Variants in PELI1 observed in about 807,000 individuals in gnomAD.
PELI1 encodes E3 ubiquitin-protein ligase pellino homolog 1.
PELI1 carries 15 observed loss-of-function variants against 41.3 expected under a neutral mutation model. The observed-to-expected ratio is 0.36, with a 90% CI of 0.24 to 0.56. The LOEUF is 0.56. Among genes scored for constraint, PELI1 ranks in the 20% least tolerant of loss-of-function variants. The probability of loss-of-function intolerance (pLI) is 0.82; values close to 1 mark genes in which losing one functional copy is unlikely to be tolerated. For missense variants in PELI1, 403 were observed against 525.5 expected, an observed-to-expected ratio of 0.77 and a Z score of 2.28; for synonymous variants, 178 against 180.1, an observed-to-expected ratio of 0.99 and a Z score of 0.09.
Position 64,094,815 on chromosome 2 carries a change from T to A in PELI1, c.1144A>T (p.Ile382Phe). Residue 382 changes from isoleucine to phenylalanine, a missense_variant, in exon 7 of 7, where the codon ATC (isoleucine) becomes TTC (phenylalanine). Coordinates refer to ENST00000358912, the MANE Select transcript of PELI1 (RefSeq NM_020651.4). The stretch of plus-strand genomic sequence containing the variant: ...GTATGAGTACCATGAGGAAGTGGGA[T>A]CTGGGACCAATAGGCAGTTGTCTTT... Reference protein sequence around the residue: ...SEKTTAYWSQIPLPHGTHTFH... With the variant: ...SEKTTAYWSQFPLPHGTHTFH... 6.2e-7 allele frequency: 1 copy of A among 1,614,172 alleles called. No individual in the cohort carries two copies. Among genetic ancestry groups the A allele is most frequent in the Non-Finnish European group, 8.5e-7 (1 of 1,180,022 alleles).
intron 2 of PELI1, among the ~76,000 whole-genome samples, chr2:64,105,331 A>G (rs1680583950): frequency 1.3e-5 from 2 of 152,192 alleles, no homozygotes; most frequent in South Asian, 4.1e-4. Context: ...GAATGTACAA[A>G]TGCACTCTCA....
At chr2:64,143,937 C>G (rs542825807) in intron 1 of PELI1, 144 bp downstream of exon 1, 1 of 147,924 alleles carries the variant, frequency 6.8e-6, no homozygotes, top group Non-Finnish European at 1.5e-5. Context: ...CCGCTCCCCG[C>G]CGCAGCGGGG....
intron 3 of PELI1, among the ~76,000 whole-genome samples, chr2:64,103,074 C>T (rs570866595): frequency 8.6e-5 from 13 of 152,016 alleles, no homozygotes; most frequent in Admixed American, 1.3e-4. Flanking sequence ...AACTCCCGAG[C>T]TCAAGTGATC....
intron 3 of PELI1, among the ~76,000 whole-genome samples, chr2:64,102,480 T>C (rs1427424569): frequency 1.3e-5 from 2 of 152,134 alleles, no homozygotes; most frequent in Non-Finnish European, 2.9e-5. Context: ...TCAAGTGATC[T>C]TCCTGCCTCT....
At chr2:64,113,002 G>C (rs1295488461) in intron 1 of PELI1, among the ~76,000 whole-genome samples, 1 of 151,942 alleles carries the variant, frequency 6.6e-6, no homozygotes, top group Non-Finnish European at 1.5e-5. Flanking sequence ...CCTAGGCTGG[G>C]CATGGTGGCT....
rs1680167627 is a variant in PELI1 at position 64,094,695 on chromosome 2, T to C, written c.*7A>G. On this transcript the variant is annotated 3_prime_UTR_variant, in exon 7 of 7. Coordinates refer to ENST00000358912, the MANE Select transcript of PELI1 (RefSeq NM_020651.4). ...TTTATAATGTAGTCCTGCAAGACAA[T>C]GGTCTGTTAGTCTAGAGGTCCTTGA... The C allele has an allele frequency of 6.3e-7, 1 of 1,599,710 alleles. No individual in the cohort carries two copies. The highest frequency in any genetic ancestry group is 1.1e-5 in the South Asian group (1 of 90,690).
intron 1 of PELI1, among the ~76,000 whole-genome samples, chr2:64,121,483 TGA>T (rs544271488): frequency 2.1e-3 from 319 of 152,324 alleles, no homozygotes; most frequent in African/African-American, 7.3e-3. Context: ...AACAGAGCAC[TGA>T]GAGTATAAAA....
Position 64,144,108 on chromosome 2 carries a change from A to C in PELI1, c.-97T>G, listed in dbSNP as rs1682024117. The C allele has an allele frequency of 6.6e-6, 1 of 151,892 alleles. No homozygotes were observed. Among genetic ancestry groups the C allele is most frequent in the Non-Finnish European group, 1.5e-5 (1 of 67,896 alleles). The allele number at this position is 151,892 out of a possible 1,614,324, so 9.4% of individuals were successfully genotyped here. ...GACAATTGCTGGTGGCCGGGATCCC[A>C]GAGCGGCCCCCGAGACCCGAGGCGA... On this transcript the variant is annotated 5_prime_UTR_variant, in exon 1 of 7. Coordinates refer to ENST00000358912, the MANE Select transcript of PELI1 (RefSeq NM_020651.4).
intron 1 of PELI1, among the ~76,000 whole-genome samples, chr2:64,125,405 AG>A (rs1288626721): frequency 1.3e-5 from 2 of 152,226 alleles, no homozygotes; most frequent in Non-Finnish European, 2.9e-5. Context: ...ACTCTGTGCC[AG>A]GAAGACAGCG....
chr2:64,114,836 TACTC>T (rs1680938157), intron 1 of PELI1, among the ~76,000 whole-genome samples: 2 of 152,162 alleles, frequency 1.3e-5, no homozygotes, highest in Admixed American at 1.3e-4. Flanking sequence ...ATCTCCCCAC[TACTC>T]ACTCCCCTAC....
At chr2:64,132,860 A>C (rs2103738490) in intron 1 of PELI1, among the ~76,000 whole-genome samples, 1 of 152,266 alleles carries the variant, frequency 6.6e-6, no homozygotes, top group East Asian at 1.9e-4. Flanking sequence ...AAAATGAAGA[A>C]TCTCAAGCCC....
chr2:64,128,445 A>G (rs1260347235), intron 1 of PELI1, among the ~76,000 whole-genome samples: 1 of 152,100 alleles, frequency 6.6e-6, no homozygotes, highest in Non-Finnish European at 1.5e-5. Context: ...TAGAATTGCA[A>G]ATGTACTTCT....
At chr2:64,138,011 C>A (rs1004658539) in intron 1 of PELI1, among the ~76,000 whole-genome samples, 1 of 152,168 alleles carries the variant, frequency 6.6e-6, no homozygotes, top group African/African-American at 2.4e-5. Context: ...ACCAGCCCTA[C>A]ACAATTTAGT....
At chr2:64,135,903 G>A (rs1681701926) in intron 1 of PELI1, among the ~76,000 whole-genome samples, 1 of 152,168 alleles carries the variant, frequency 6.6e-6, no homozygotes, top group African/African-American at 2.4e-5. Flanking sequence ...CTGAGCCTTA[G>A]CTCATTAGGT....
intron 1 of PELI1, among the ~76,000 whole-genome samples, chr2:64,111,891 A>G (rs1680817141): frequency 6.6e-6 from 1 of 152,218 alleles, no homozygotes; most frequent in Admixed American, 6.5e-5. Flanking sequence ...TTTTCTGTTT[A>G]GACAATTAAG....
At chr2:64,106,765 G>A (rs1680635032) in intron 2 of PELI1, among the ~76,000 whole-genome samples, 1 of 152,144 alleles carries the variant, frequency 6.6e-6, no homozygotes, top group South Asian at 2.1e-4. Flanking sequence ...ATCCAGTCAA[G>A]CTCAGTAACT....
chr2:64,122,949 CAG>C (rs1219628874), intron 1 of PELI1, among the ~76,000 whole-genome samples: 1 of 152,136 alleles, frequency 6.6e-6, no homozygotes, highest in Non-Finnish European at 1.5e-5. Flanking sequence ...AATCTATATT[CAG>C]AGAGGGTAAG....
rs147877911 is a variant in PELI1, at chr2:64,102,695, T to C, written c.201+2006A>G. ...ACTCTAAGACTGAGAATAAAAACTA[T>C]GTCAAGTTACGTTTGAGTCTCACTG... On this transcript the variant is annotated intron_variant, in intron 3 of 6. Transcript: ENST00000358912. Among the ~76,000 whole-genome samples the C allele has an allele frequency of 1.7e-3, 259 of 152,344 alleles. 1 individual carries two copies. Among genetic ancestry groups the C allele is most frequent in the Middle Eastern group, 3.4e-3 (1 of 294 alleles).
At chr2:64,136,884 AGAGCAAGG>A (rs1316843117) in intron 1 of PELI1, among the ~76,000 whole-genome samples, 1 of 152,222 alleles carries the variant, frequency 6.6e-6, no homozygotes, top group Non-Finnish European at 1.5e-5. Flanking sequence ...ACCTGGTGAC[AGAGCAAGG>A]CTCTGTCTCA....
Sources: gnomAD v4.1 joint callset for allele counts (sites outside exome capture counted in the v4.1 genomes callset) on GRCh38, gnomAD v4.1.1 for gene constraint, MANE v1.5 for transcripts, NCBI Gene and HGNC (gene_info 2026-07-23, HGNC 2026-07-21) for gene names.